Variants in ADCY2 observed in about 807,000 individuals in gnomAD.
ADCY2 encodes the protein adenylate cyclase type 2.
ADCY2 carries 31 observed loss-of-function variants against 125.2 expected under a neutral mutation model. The ratio of observed to expected loss-of-function variants is 0.25; its 90% confidence interval spans 0.19 to 0.33. The LOEUF (loss-of-function observed/expected upper bound fraction) is 0.33. Ranked by LOEUF, ADCY2 falls within the 10% of genes least tolerant of loss-of-function variation. ADCY2 has a pLI of 1.00. For synonymous variants in ADCY2, 512 were observed against 548.4 expected (o/e 0.93, Z 0.93); for missense variants, 904 against 1,418.2 (o/e 0.64, Z 5.82).
At chr5:7,587,825 C>T (rs1736682330) in intron 3 of ADCY2, among the ~76,000 whole-genome samples, 1 of 152,074 alleles carries the variant, frequency 6.6e-6, no homozygotes, top group African/African-American at 2.4e-5. Context: ...GATAGGGAAA[C>T]GTTGAGAGAA....
At chr5:7,636,903 A>G (rs1029129461) in intron 4 of ADCY2, among the ~76,000 whole-genome samples, 3 of 152,304 alleles carry the variant, frequency 2.0e-5, no homozygotes, top group Admixed American at 6.5e-5. Context: ...TGCGGAAGCC[A>G]TGCAGTGAGT....
At chr5:7,745,627 C>CA (rs961926982) in intron 15 of ADCY2, among the ~76,000 whole-genome samples, 1 of 152,186 alleles carries the variant, frequency 6.6e-6, no homozygotes, top group African/African-American at 2.4e-5. Flanking sequence ...GAAAGGCACA[C>CA]AGGCTCCCCT....
At chr5:7,565,673 A>G (rs1378237906) in intron 3 of ADCY2, among the ~76,000 whole-genome samples, 2 of 152,178 alleles carry the variant, frequency 1.3e-5, no homozygotes, top group Admixed American at 6.5e-5. Flanking sequence ...TGTCTATATA[A>G]CAATGTAGAC....
At chr5:7,757,290 G>T (rs1306602889) in intron 15 of ADCY2, among the ~76,000 whole-genome samples, 159 bp from the exon 16 acceptor site, 3 of 152,150 alleles carry the variant, frequency 2.0e-5, no homozygotes, top group African/African-American at 7.2e-5. Flanking sequence ...TTTTAATAAG[G>T]TTTGTGACTT....
intron 4 of ADCY2, among the ~76,000 whole-genome samples, chr5:7,649,477 A>G (rs533445336): frequency 1.9e-4 from 29 of 152,354 alleles, no homozygotes; most frequent in South Asian, 8.3e-4. Context: ...ATGAAAGTAC[A>G]TATTTTTTCT....
intron 14 of ADCY2, among the ~76,000 whole-genome samples, chr5:7,731,389 C>T (rs563551525): frequency 4.2e-4 from 62 of 146,744 alleles, no homozygotes; most frequent in Middle Eastern, 7.8e-3. Context: ...CTGAGTAGCT[C>T]GGATTGCAGG....
At chr5:7,464,379 T>C (rs1742029622) in intron 2 of ADCY2, among the ~76,000 whole-genome samples, 1 of 152,100 alleles carries the variant, frequency 6.6e-6, no homozygotes, top group African/African-American at 2.4e-5. Context: ...AACATGTAAG[T>C]GAAGCTGTCC....
At chr5:7,623,052 A>G (rs1466790416) in intron 3 of ADCY2, among the ~76,000 whole-genome samples, 2 of 152,194 alleles carry the variant, frequency 1.3e-5, no homozygotes, top group African/African-American at 4.8e-5. Flanking sequence ...GGCAGCACTC[A>G]CATTCCAGAG....
intron 2 of ADCY2, among the ~76,000 whole-genome samples, chr5:7,516,934 G>T (rs1275055185): frequency 1.3e-5 from 2 of 152,118 alleles, no homozygotes; most frequent in African/African-American, 4.8e-5. Context: ...GTTTTTGAGT[G>T]TGGCTGTGAG....
intron 3 of ADCY2, among the ~76,000 whole-genome samples, chr5:7,601,260 C>G (rs1737189934): frequency 6.6e-6 from 1 of 151,610 alleles, no homozygotes. Flanking sequence ...TTTTTGAGGC[C>G]AATTTAATAT....
At chr5:7,611,900 A>T (rs934373837) in intron 3 of ADCY2, among the ~76,000 whole-genome samples, 1 of 152,212 alleles carries the variant, frequency 6.6e-6, no homozygotes, top group Non-Finnish European at 1.5e-5. Flanking sequence ...TGATTCTAGA[A>T]GTTGGACCTA....
intron 2 of ADCY2, among the ~76,000 whole-genome samples, chr5:7,447,226 G>C (rs143770100): frequency 6.6e-6 from 1 of 152,138 alleles, no homozygotes; most frequent in Non-Finnish European, 1.5e-5. Flanking sequence ...TGCAACTCTC[G>C]GGTCTCTCCT....
At chr5:7,754,298 T>C (rs1210503258) in intron 15 of ADCY2, among the ~76,000 whole-genome samples, 1 of 152,246 alleles carries the variant, frequency 6.6e-6, no homozygotes, top group African/African-American at 2.4e-5. Flanking sequence ...GTAACTTGTT[T>C]TAATTTTGTA....
At chr5:7,543,901 C>A (rs573772677) in intron 3 of ADCY2, among the ~76,000 whole-genome samples, 2 of 151,190 alleles carry the variant, frequency 1.3e-5, no homozygotes. Context: ...GTAGTTCCAC[C>A]TACTCGGGAG....
At chr5:7,660,805 A>G (rs1739501746) in intron 4 of ADCY2, among the ~76,000 whole-genome samples, 2 of 151,874 alleles carry the variant, frequency 1.3e-5, no homozygotes, top group South Asian at 4.2e-4. Context: ...AAATACTTTC[A>G]CAGTGACATC....
chr5:7,532,561 T>G (rs1036538938), intron 3 of ADCY2, among the ~76,000 whole-genome samples: 3 of 152,242 alleles, frequency 2.0e-5, no homozygotes, highest in Non-Finnish European at 4.4e-5. Context: ...TGTTTTCCCT[T>G]TAAGCTTTCT....
chr5:7,486,839 G>C (rs574329770), intron 2 of ADCY2, among the ~76,000 whole-genome samples: 3 of 152,314 alleles, frequency 2.0e-5, no homozygotes, highest in East Asian at 3.9e-4. Context: ...CACAGTGCCT[G>C]GCAGTGACTG....
intron 4 of ADCY2, among the ~76,000 whole-genome samples, chr5:7,633,906 A>G (rs1738406052): frequency 1.3e-5 from 2 of 152,238 alleles, no homozygotes; most frequent in East Asian, 3.8e-4. Flanking sequence ...TAGGCAAAGA[A>G]TAATCTAGTT....
intron 2 of ADCY2, among the ~76,000 whole-genome samples, chr5:7,467,602 T>C (rs1419917808): frequency 6.6e-6 from 1 of 152,216 alleles, no homozygotes; most frequent in African/African-American, 2.4e-5. Context: ...TCCTGATAAA[T>C]GGCTTTTGTG....
Sources: allele counts gnomAD v4.1 joint callset (sites outside exome capture counted in the v4.1 genomes callset), GRCh38; gene constraint gnomAD v4.1.1; transcripts MANE v1.5; gene names NCBI Gene and HGNC (gene_info 2026-07-23, HGNC 2026-07-21).